The following NLRP3 variants were observed in gnomAD, a reference collection of about 807,000 sequenced individuals.
The protein encoded by NLRP3 is NLR family pyrin domain containing 3.
Under a neutral mutation model 91.3 loss-of-function variants are expected in NLRP3, and 48 were observed. That is an observed-to-expected ratio of 0.53 (90% CI 0.42 to 0.67). The LOEUF (loss-of-function observed/expected upper bound fraction) is 0.67. Among genes scored for constraint, NLRP3 ranks in the 30% least tolerant of loss-of-function variants. The pLI is 0.00. For synonymous variants in NLRP3, 561 were observed against 507.9 expected (o/e 1.10, Z -1.41); for missense variants, 982 against 1,276.9 (o/e 0.77, Z 3.52).
chr1:247,422,844 A>G (rs1299957089), intron 2 of NLRP3, among the ~76,000 whole-genome samples: 1 of 152,354 alleles, frequency 6.6e-6, no homozygotes. Flanking sequence ...CTTAGCCCAC[A>G]GCCGTGTTGG....
chr1:247,441,645 C>A (rs1664247515), intron 7 of NLRP3, among the ~76,000 whole-genome samples: 1 of 142,798 alleles, frequency 7.0e-6, no homozygotes, highest in African/African-American at 2.6e-5. Flanking sequence ...ATGTAGAGCT[C>A]AGTTAGGTGG....
At position 247,425,202 on chromosome 1, in the gene NLRP3, G is replaced by A; in HGVS notation, c.1753G>A (p.Glu585Lys). The A allele has an allele frequency of 6.2e-7, 1 of 1,614,154 alleles. No individual in the cohort carries two copies. The highest frequency in any genetic ancestry group is 8.5e-7 in the Non-Finnish European group (1 of 1,180,034). Reference protein sequence around the residue: ...VRFLFGLVNQERTSYLEKKLS... With the variant: ...VRFLFGLVNQKRTSYLEKKLS... ...TTTCCTCTTTGGCCTGGTAAACCAG[G>A]AGAGGACCTCCTACTTGGAGAAGAA... The change falls in exon 4 of 10, where the codon GAG (glutamate) becomes AAG (lysine). Residue 585 changes from glutamate to lysine, a missense_variant. Physicochemically the swap from Glu to Lys is moderately conservative, Grantham distance 56 (BLOSUM62 1). Around this residue, in one of 5 missense-constraint regions of NLRP3, gnomAD observed 32 missense variants for 60.3 expected, o/e 0.53. Transcript: ENST00000336119. The surrounding 1 kb of genome is among the most constrained non-coding windows in gnomAD (Gnocchi z 4.1).
intron 5 of NLRP3, among the ~76,000 whole-genome samples, chr1:247,432,350 A>T (rs1376762167): frequency 7.1e-6 from 1 of 140,782 alleles, no homozygotes. Flanking sequence ...AACGTGTGGT[A>T]TTTGACTCTG....
At chr1:247,416,733 C>T (rs1260825755) in intron 1 of NLRP3, among the ~76,000 whole-genome samples, 6 of 151,618 alleles carry the variant, frequency 4.0e-5, no homozygotes, top group Admixed American at 3.9e-4. Flanking sequence ...GAGCAGTCAC[C>T]TCAGGATGCA....
intron 4 of NLRP3, among the ~76,000 whole-genome samples, 176 bp from the exon 5 acceptor site, chr1:247,429,409 C>T (rs1385709153): frequency 6.6e-6 from 1 of 152,196 alleles, no homozygotes; most frequent in Non-Finnish European, 1.5e-5. Context: ...ACTGCTTTTA[C>T]CAAGGCTCAT....
intron 2 of NLRP3, 36 bp from the exon 3 acceptor site, chr1:247,423,194 A>G (rs772669684): frequency 1.2e-6 from 2 of 1,613,414 alleles, no homozygotes; most frequent in African/African-American, 1.3e-5. Flanking sequence ...CTGTGATAAT[A>G]GTTCTGGGTT....
At chr1:247,417,508 T>A (rs72553861) in intron 1 of NLRP3, among the ~76,000 whole-genome samples, 1 of 151,942 alleles carries the variant, frequency 6.6e-6, no homozygotes, top group Admixed American at 6.6e-5. Flanking sequence ...TGAGATGGAG[T>A]TTTGCTCTTA....
chr1:247,431,122 G>A (rs547927727), intron 5 of NLRP3, among the ~76,000 whole-genome samples: 1 of 152,072 alleles, frequency 6.6e-6, no homozygotes, highest in Admixed American at 6.5e-5. Context: ...AGGCGGAGAT[G>A]GCAGTGAGCC....
At position 247,444,807 on chromosome 1, in the gene NLRP3, C is replaced by G; in HGVS notation, c.2991C>G (p.Leu997=). 1 of 1,613,880 alleles carries G rather than the reference C, an allele frequency of 6.2e-7. No homozygotes were observed. Among genetic ancestry groups the G allele is most frequent in the Non-Finnish European group, 8.5e-7 (1 of 1,179,996 alleles). The change falls in exon 9 of 10, where the codon CTC becomes CTG. Residue 997 remains leucine, a synonymous_variant. Coordinates refer to ENST00000336119, the MANE Select transcript of NLRP3 (RefSeq NM_001243133.2). Reference sequence around the variant, plus strand: ...AAGTGCTGAAACAGCAGAGCTGCCTCCTGCAGAACCTGGGGTGAGTGTGCT... The same window carrying G: ...AAGTGCTGAAACAGCAGAGCTGCCTGCTGCAGAACCTGGGGTGAGTGTGCT... ...FCEVLKQQSC[L]LQNLGLSEMY...
In NLRP3 at chr1:247,444,009, G is replaced by C. The variant is rs1191237426; in HGVS notation, c.2701G>C (p.Ala901Pro). 2.5e-6 allele frequency: 4 copies of C among 1,614,014 alleles called. No individual in the cohort carries two copies. The East Asian group carries it at 6.7e-5, about 27-fold the overall frequency. The change falls in exon 8 of 10, where the codon GCT becomes CCT. Residue 901 changes from alanine (A) to proline (P), a missense_variant. Ala to Pro is a conservative substitution (Grantham distance 27, BLOSUM62 -1). Around this residue, in one of 5 missense-constraint regions of NLRP3, gnomAD observed 373 missense variants for 431.5 expected, o/e 0.86. Transcript: ENST00000336119. Reference sequence around the variant, plus strand: ...TGGCCTTACGTCAGTCTGTTGTTCAGCTTTGTCCTCGGTACTCAGCACTAA... The same window carrying C: ...TGGCCTTACGTCAGTCTGTTGTTCACCTTTGTCCTCGGTACTCAGCACTAA... ...NSGLTSVCCS[A>P]LSSVLSTNQN...
In NLRP3 at chr1:247,425,644, A is replaced by AAGAAGAAGCTGGCGAG; in HGVS notation, c.2150+45_2150+46insAGAAGAAGCTGGCGAG. On this transcript the variant is annotated intron_variant, in intron 4 of 9. Coordinates refer to ENST00000336119, the MANE Select transcript of NLRP3 (RefSeq NM_001243133.2). The surrounding 1 kb of genome is among the most constrained non-coding windows in gnomAD (Gnocchi z 4.1). ...AGGTGCTTCCTCCTGCTTCCTCGCC[A>AAGAAGAAGCTGGCGAG]GCTTCTTCTTGGCGCTTGCCTCCTC... is the stretch of plus-strand genomic sequence containing the variant. 1 of 1,581,510 alleles carries AAGAAGAAGCTGGCGAG rather than the reference A, an allele frequency of 6.3e-7. No individual in the cohort carries two copies. The highest frequency in any genetic ancestry group is 8.6e-7 in the Non-Finnish European group (1 of 1,164,340).
Position 247,448,749 on chromosome 1 carries a change from C to T in NLRP3, c.*245C>T, listed in dbSNP as rs1317108255. On this transcript the variant is annotated 3_prime_UTR_variant, in exon 10 of 10. Coordinates refer to ENST00000336119, the MANE Select transcript of NLRP3 (RefSeq NM_001243133.2). ...GGGTGTTGTTGTCATCACAGCGCCT[C>T]AGTTAGAGGATGTTCCTCTTGGTGA... The T allele has an allele frequency of 1.8e-6, 1 of 551,552 alleles. No homozygotes were observed. The highest frequency in any genetic ancestry group is 3.1e-5 in the Admixed American group (1 of 32,658). 34.2% of individuals were successfully genotyped at this position (551,552 alleles called of 1,614,324 possible). A position where few individuals can be genotyped will look rare whatever the true frequency, so the allele number is the denominator to read the frequency against.
chr1:247,424,062 T>C lies in NLRP3; in HGVS notation c.613T>C (p.Leu205=), dbSNP rs760393067. The part of the protein sequence containing the change: ...ESPVSPIKME[L]LFDPDDEHSE... ...CCCCGTGAGTCCCATTAAGATGGAGTTGCTGTTTGACCCCGATGATGAGCA... is the reference window on the plus strand; with the variant it reads ...CCCCGTGAGTCCCATTAAGATGGAGCTGCTGTTTGACCCCGATGATGAGCA... The change falls in exon 4 of 10, where the codon TTG becomes CTG. Residue 205 remains leucine, a synonymous_variant. Coordinates refer to ENST00000336119, the MANE Select transcript of NLRP3 (RefSeq NM_001243133.2). The surrounding 1 kb of genome is among the most constrained non-coding windows in gnomAD (Gnocchi z 8.1). 1 of 1,613,500 alleles carries C rather than the reference T, an allele frequency of 6.2e-7. No homozygotes were observed. The highest frequency in any genetic ancestry group is 8.5e-7 in the Non-Finnish European group (1 of 1,179,882).
chr1:247,418,517 G>T lies in NLRP3; in HGVS notation c.-284G>T, dbSNP rs918867704. The T allele has an allele frequency of 2.3e-6, 1 of 427,288 alleles. No homozygotes were observed. The highest frequency in any genetic ancestry group is 3.5e-5 in the Admixed American group (1 of 28,290). 26.5% of individuals were successfully genotyped at this position (427,288 alleles called of 1,614,324 possible). On this transcript the variant is annotated 5_prime_UTR_variant, in exon 2 of 10. Transcript: ENST00000336119. ...CAGTTTTGCCATGTTGGCCAGGCTG[G>T]TCTTGAATTCCTCAGCTCAGGTGAT... is the stretch of plus-strand genomic sequence containing the variant.
chr1:247,445,204 A>T (rs1167224125), intron 9 of NLRP3, among the ~76,000 whole-genome samples: 1 of 149,728 alleles, frequency 6.7e-6, no homozygotes, highest in Admixed American at 6.6e-5. Flanking sequence ...CTGAGGATTT[A>T]TTTTTTTTTT....
rs376057645 is a variant in NLRP3 at position 247,425,078 on chromosome 1, C to G, written c.1629C>G (p.Asn543Lys). ...AAGAGGAAAAGGAAGGAAGGACGAA[C>G]GTTCCAGGGAGTCGTTTGAAGCTTC... ...LLEEEKEGRT[N>K]VPGSRLKLPS... Residue 543 changes from asparagine (N) to lysine (K), a missense_variant, in exon 4 of 10, where the codon AAC becomes AAG. Transcript: ENST00000336119. This position sits in a 1 kb window ranked among gnomAD's most constrained non-coding sequence, Gnocchi z 4.1. The G allele has an allele frequency of 3.7e-6, 6 of 1,614,132 alleles. No individual in the cohort carries two copies. The South Asian group carries it at 5.5e-5, about 15-fold the overall frequency.
rs374729265 is a variant in NLRP3, at chr1:247,425,641, G to T, written c.2150+42G>T. On this transcript the variant is annotated intron_variant, in intron 4 of 9. Transcript: ENST00000336119. The surrounding 1 kb of genome is among the most constrained non-coding windows in gnomAD (Gnocchi z 4.1). ...TCCAGGTGCTTCCTCCTGCTTCCTC[G>T]CCAGCTTCTTCTTGGCGCTTGCCTC... The T allele has an allele frequency of 1.9e-6, 3 of 1,582,604 alleles. No homozygotes were observed. Among genetic ancestry groups the T allele is most frequent in the South Asian group, 1.1e-5 (1 of 90,516 alleles).
chr1:247,439,280 C>A (rs1664039869), intron 7 of NLRP3, among the ~76,000 whole-genome samples: 2 of 152,186 alleles, frequency 1.3e-5, no homozygotes, highest in Non-Finnish European at 2.9e-5. Context: ...AACAGAGCAG[C>A]TTAAACAACA....
Position 247,418,558 on chromosome 1 carries a change from T to C in NLRP3, c.-243T>C. 2.0e-6 allele frequency: 1 copy of C among 507,430 alleles called. No homozygotes were observed. Among genetic ancestry groups the C allele is most frequent in the South Asian group, 2.0e-5 (1 of 49,068 alleles). The allele number at this position is 507,430 out of a possible 1,614,324, so 31.4% of individuals were successfully genotyped here. On this transcript the variant is annotated 5_prime_UTR_variant, in exon 2 of 10. Coordinates refer to ENST00000336119, the MANE Select transcript of NLRP3 (RefSeq NM_001243133.2). ...CTCAGGTGATCTGCCTGCCTTGGCC[T>C]CTCAAAGTGCTGGGATTACAGGCGT...
Sources: allele counts gnomAD v4.1 joint callset (sites outside exome capture counted in the v4.1 genomes callset), GRCh38; gene constraint gnomAD v4.1.1; regional missense constraint gnomAD v4.1.1; non-coding constraint Gnocchi (gnomAD v3.1); transcripts MANE v1.5; gene names NCBI Gene and HGNC (gene_info 2026-07-23, HGNC 2026-07-21).